RELN: variants seen among roughly 807,000 people sequenced by gnomAD.
The protein encoded by RELN is reelin.
Under a neutral mutation model 427.6 loss-of-function variants are expected in RELN, and 108 were observed. That is an observed-to-expected ratio of 0.25 (90% confidence interval 0.22 to 0.30). The LOEUF is 0.30. Among genes scored for constraint, RELN ranks in the 10% least tolerant of loss-of-function variants. The pLI is 1.00. For synonymous variants in RELN, 1,524 were observed against 1,513.4 expected, an observed-to-expected ratio of 1.01 and a Z score of -0.16; for missense variants, 3,715 against 4,302.8, an observed-to-expected ratio of 0.86 and a Z score of 3.82.
At chr7:103,558,128 T>C in intron 36 of RELN, 79 bp from the exon 37 acceptor site, 1 of 738,302 alleles carries the variant, frequency 1.4e-6, no homozygotes, top group Non-Finnish European at 2.5e-6. Flanking sequence ...ACACCTAACT[T>C]GCATTAGCTA....
chr7:103,716,591 A>G (rs560941110), intron 8 of RELN, among the ~76,000 whole-genome samples: 2 of 152,342 alleles, frequency 1.3e-5, no homozygotes, highest in South Asian at 4.1e-4. Context: ...GAATGCAGAT[A>G]GTATTCAGCA....
chr7:103,698,273 A>G (rs1266938193), intron 9 of RELN, among the ~76,000 whole-genome samples, 180 bp from the exon 10 acceptor site: 1 of 152,210 alleles, frequency 6.6e-6, no homozygotes, highest in Non-Finnish European at 1.5e-5. Context: ...TAAGATTTTC[A>G]TATTGAATGA....
chr7:103,832,205 G>A (rs1032156852), intron 3 of RELN, among the ~76,000 whole-genome samples: 22 of 152,130 alleles, frequency 1.4e-4, no homozygotes, highest in Admixed American at 1.4e-3. Flanking sequence ...GGTTTTACGG[G>A]ATTTTGTCTG....
intron 2 of RELN, among the ~76,000 whole-genome samples, chr7:103,870,277 G>A (rs1048310279): frequency 1.3e-5 from 2 of 151,824 alleles, no homozygotes; most frequent in Admixed American, 6.6e-5. Context: ...TCTTGATGAT[G>A]GCTCCTGCTT....
At chr7:103,735,173 A>G (rs1174194317) in intron 6 of RELN, among the ~76,000 whole-genome samples, 1 of 152,176 alleles carries the variant, frequency 6.6e-6, no homozygotes, top group Non-Finnish European at 1.5e-5. Context: ...AAAGGCTTTG[A>G]ACCAGTGTTT....
At chr7:103,596,050 G>A (rs1279306436) in intron 25 of RELN, among the ~76,000 whole-genome samples, 1 of 152,138 alleles carries the variant, frequency 6.6e-6, no homozygotes, top group Non-Finnish European at 1.5e-5. Context: ...CCTTGGTGCA[G>A]CCATGTGAAA....
intron 11 of RELN, among the ~76,000 whole-genome samples, chr7:103,666,975 T>A (rs1470885527): frequency 6.6e-6 from 1 of 152,246 alleles, no homozygotes; most frequent in African/African-American, 2.4e-5. Flanking sequence ...AGCCTTCGAT[T>A]ACATATGTTC....
At chr7:103,924,909 C>A (rs1189147268) in intron 1 of RELN, among the ~76,000 whole-genome samples, 1 of 151,518 alleles carries the variant, frequency 6.6e-6, no homozygotes, top group East Asian at 1.9e-4. Context: ...CTCTACATTG[C>A]CTTTCCTCTT....
Position 103,611,689 on chromosome 7 carries a change from T to C in RELN, c.2817A>G (p.Lys939=), listed in dbSNP as rs753291647. Residue 939 remains lysine, a synonymous_variant, in exon 21 of 65, where the codon AAA becomes AAG. Coordinates refer to ENST00000428762, the MANE Select transcript of RELN (RefSeq NM_005045.4). ...QFSLVMGCGQ[K]YTPHMDNQVK... is the part of the protein sequence containing the mutation. ...CCTGGTTGTCCATGTGTGGGGTGTATTTCTGGCCACATCCCATCACCAAAC... is the reference window on the plus strand; with the variant it reads ...CCTGGTTGTCCATGTGTGGGGTGTACTTCTGGCCACATCCCATCACCAAAC... 1.9e-6 allele frequency: 3 copies of C among 1,613,886 alleles called. No homozygotes were observed. The highest frequency in any genetic ancestry group is 2.2e-5 in the East Asian group (1 of 44,798).
At chr7:103,938,339 C>A (rs1796032813) in intron 1 of RELN, among the ~76,000 whole-genome samples, 1 of 152,080 alleles carries the variant, frequency 6.6e-6, no homozygotes, top group African/African-American at 2.4e-5. Context: ...GAAATTAAGG[C>A]TTCCTATATT....
At chr7:103,653,133 T>C (rs1041528898) in intron 13 of RELN, among the ~76,000 whole-genome samples, 9 of 152,068 alleles carry the variant, frequency 5.9e-5, no homozygotes, top group Non-Finnish European at 1.0e-4. Context: ...TCTTTGAAAG[T>C]GGATTGGTAT....
intron 3 of RELN, among the ~76,000 whole-genome samples, chr7:103,810,868 G>C (rs1792725839): frequency 6.6e-6 from 1 of 152,074 alleles, no homozygotes; most frequent in Non-Finnish European, 1.5e-5. Flanking sequence ...ATAGTTGTTT[G>C]CTTCCAAACA....
chr7:103,575,413 T>C, intron 29 of RELN, 135 bp downstream of exon 29: 1 of 996,456 alleles, frequency 1.0e-6, no homozygotes, highest in Non-Finnish European at 1.6e-6. Flanking sequence ...GTGCCTGGGT[T>C]GTGAATTCCT....
intron 10 of RELN, among the ~76,000 whole-genome samples, chr7:103,692,896 C>G (rs1469128821): frequency 6.6e-6 from 1 of 151,922 alleles, no homozygotes; most frequent in Non-Finnish European, 1.5e-5. Flanking sequence ...GAGACAATGG[C>G]ATTTGAACTG....
chr7:103,743,818 AC>A (rs1790738496), intron 6 of RELN, among the ~76,000 whole-genome samples: 1 of 152,178 alleles, frequency 6.6e-6, no homozygotes, highest in Admixed American at 6.5e-5. Context: ...ATTATGGGAG[AC>A]TTTAACACCC....
intron 3 of RELN, among the ~76,000 whole-genome samples, chr7:103,825,542 A>G (rs1793116004): frequency 6.6e-6 from 1 of 152,170 alleles, no homozygotes; most frequent in Non-Finnish European, 1.5e-5. Context: ...AACAATGGCA[A>G]AAAACTTAGT....
chr7:103,817,597 T>C (rs1309863834), intron 3 of RELN, among the ~76,000 whole-genome samples: 3 of 152,192 alleles, frequency 2.0e-5, no homozygotes, highest in Non-Finnish European at 4.4e-5. Context: ...GGATTTCCTT[T>C]GTGAAAAGCT....
At chr7:103,960,029 G>A (rs1438199408) in intron 1 of RELN, among the ~76,000 whole-genome samples, 1 of 151,974 alleles carries the variant, frequency 6.6e-6, no homozygotes, top group East Asian at 1.9e-4. Context: ...CTCCATTCTT[G>A]CCCTCTGCCC....
chr7:103,553,637 A>AT lies in RELN; in HGVS notation c.5969+22dup, dbSNP rs769963195. 1.1e-5 allele frequency: 18 copies of AT among 1,613,584 alleles called. No homozygotes were observed. In the African/African-American group the frequency reaches 2.0e-4, roughly 18 times the overall value. On this transcript the variant is annotated intron_variant, in intron 39 of 64. Coordinates refer to ENST00000428762, the MANE Select transcript of RELN (RefSeq NM_005045.4). ...ATGATTTGTATACAGCAGTGGTTTT[A>AT]TTTTTAGATTCTTAATACTTACGGT...
Sources: allele counts gnomAD v4.1 joint callset (sites outside exome capture counted in the v4.1 genomes callset), GRCh38; gene constraint gnomAD v4.1.1; transcripts MANE v1.5; gene names NCBI Gene and HGNC (gene_info 2026-07-23, HGNC 2026-07-21).